Variants in CD109 observed in about 807,000 individuals in gnomAD.
CD109 encodes the protein CD109 molecule.
In CD109, 149 loss-of-function variants were observed where a neutral mutation model predicts 165.8. That is an observed-to-expected ratio of 0.90 (90% CI 0.79 to 1.03). The LOEUF is 1.03. Among genes scored for constraint, CD109 ranks in the 50% least tolerant of loss-of-function variants. The pLI, the probability that CD109 is intolerant of heterozygous loss-of-function variation, is 0.00. For missense variants in CD109, 1,712 were observed against 1,677.8 expected, an observed-to-expected ratio of 1.02 and a Z score of -0.36; for synonymous variants, 585 against 592.1, an observed-to-expected ratio of 0.99 and a Z score of 0.18.
rs1022109483 is a variant in CD109 at position 73,827,902 on chromosome 6, G to A, written c.*4269G>A. 1 of 154,586 alleles carries A rather than the reference G, an allele frequency of 6.5e-6. No individual in the cohort carries two copies. The highest frequency in any genetic ancestry group is 2.4e-5 in the African/African-American group (1 of 41,508). The allele number at this position is 154,586 out of a possible 1,614,324, so 9.6% of individuals were successfully genotyped here. A position where few individuals can be genotyped will look rare whatever the true frequency, so the allele number is the denominator to read the frequency against. Reference sequence around the variant, plus strand: ...CTATCTTATGTTGTCTTGAGGCCAAGATTTACCACGTTTGCCCAGTGTATT... The same window carrying A: ...CTATCTTATGTTGTCTTGAGGCCAAAATTTACCACGTTTGCCCAGTGTATT... On this transcript the variant is annotated 3_prime_UTR_variant, in exon 33 of 33. Transcript: ENST00000287097.
chr6:73,717,611 CTTTTTTTTTTTTTT>C (rs779915655), intron 2 of CD109, among the ~76,000 whole-genome samples: 1 of 74,810 alleles, frequency 1.3e-5, no homozygotes, highest in African/African-American at 5.2e-5. Context: ...TCTACTGATT[CTTTTTTTTTTTTTT>C]TTTTTTTTTT....
chr6:73,758,905 A>C lies in CD109; in HGVS notation c.674-39A>C, dbSNP rs748154629. The C allele has an allele frequency of 2.6e-6, 3 of 1,161,088 alleles. No homozygotes were observed. The South Asian group carries it at 3.8e-5, about 15-fold the overall frequency. The allele number at this position is 1,161,088 out of a possible 1,614,324, so 71.9% of individuals were successfully genotyped here. A position where few individuals can be genotyped will look rare whatever the true frequency, so the allele number is the denominator to read the frequency against. Reference sequence around the variant, plus strand: ...AGATTTACCCTTGCTTCTTCGTCTCAAAAAGAAAAAAAGATTTACCCTTGC... The same window carrying C: ...AGATTTACCCTTGCTTCTTCGTCTCCAAAAGAAAAAAAGATTTACCCTTGC... On this transcript the variant is annotated intron_variant, in intron 6 of 32. Coordinates refer to ENST00000287097, the MANE Select transcript of CD109 (RefSeq NM_133493.5).
chr6:73,727,614 G>A lies in CD109; in HGVS notation c.277-2730G>A, dbSNP rs114615603. ...ATATTTGCATTTATTTTAATTCTCTGACCCTTTAGGCTGCTTGTGGTTAAT... is the reference window on the plus strand; with the variant it reads ...ATATTTGCATTTATTTTAATTCTCTAACCCTTTAGGCTGCTTGTGGTTAAT... On this transcript the variant is annotated intron_variant, in intron 3 of 32. Transcript: ENST00000287097. Among the ~76,000 whole-genome samples, 426 of 152,256 alleles carry A rather than the reference G, an allele frequency of 2.8e-3. 3 individuals are homozygous for A. Among genetic ancestry groups the A allele is most frequent in the African/African-American group, 9.8e-3 (409 of 41,550 alleles).
In CD109 at chr6:73,794,947, T is replaced by A. The variant is rs1775104640; in HGVS notation, c.2878+2145T>A. On this transcript the variant is annotated intron_variant, in intron 23 of 32. Coordinates refer to ENST00000287097, the MANE Select transcript of CD109 (RefSeq NM_133493.5). ...TTGTCAAATTTTATTATAATTAAAT[T>A]TAAGTGGTACCAAGTGGTCTCTGTG... Among the ~76,000 whole-genome samples the A allele has an allele frequency of 2.0e-5, 3 of 151,610 alleles. No individual in the cohort carries two copies. The South Asian group carries it at 6.3e-4, about 32-fold the overall frequency.
Position 73,782,758 on chromosome 6 carries a change from A to G in CD109, c.2105+3A>G. Reference sequence around the variant, plus strand: ...ATTTGGCTAGACACCAACATGGGGTAAAAATTTATAAAGTTCTTTGCCCAT... The same window carrying G: ...ATTTGGCTAGACACCAACATGGGGTGAAAATTTATAAAGTTCTTTGCCCAT... On this transcript the variant is annotated splice_donor_region_variant and intron_variant, in intron 18 of 32. Transcript: ENST00000287097. The G allele has an allele frequency of 3.1e-6, 5 of 1,613,040 alleles. No individual in the cohort carries two copies. Among genetic ancestry groups the G allele is most frequent in the Non-Finnish European group, 4.2e-6 (5 of 1,179,502 alleles).
chr6:73,789,755 C>T (rs781353206), intron 22 of CD109, among the ~76,000 whole-genome samples: 11 of 142,530 alleles, frequency 7.7e-5, no homozygotes, highest in Admixed American at 4.4e-4. Flanking sequence ...CCACCGCGCC[C>T]GGCCTTTTTT....
chr6:73,714,368 T>C lies in CD109; in HGVS notation c.248-8883T>C, dbSNP rs558480830. ...GACGTGGGGTATGAAGGTCTGGCCC[T>C]TTCGCCCCAGTTCAGGACAACTCTC... On this transcript the variant is annotated intron_variant, in intron 2 of 32. Coordinates refer to ENST00000287097, the MANE Select transcript of CD109 (RefSeq NM_133493.5). Among the ~76,000 whole-genome samples the C allele has an allele frequency of 1.7e-3, 259 of 152,322 alleles. 1 individual carries two copies. The Middle Eastern group carries it at 0.034, about 20-fold the overall frequency.
chr6:73,782,671 A>T lies in CD109; in HGVS notation c.2021A>T (p.Asp674Val). Residue 674 changes from aspartate to valine, a missense_variant, in exon 18 of 33, where the codon GAT becomes GTT. Asp to Val is a radical substitution (Grantham distance 152). Coordinates refer to ENST00000287097, the MANE Select transcript of CD109 (RefSeq NM_133493.5). ...GAGGAAAATGAAGGACATATTGTAG[A>T]TATTCATGACTTTTCTTTGGGTAGC... Reference protein sequence around the residue: ...FMEENEGHIVDIHDFSLGSSP... With the variant: ...FMEENEGHIVVIHDFSLGSSP... 2 of 1,613,884 alleles carry T rather than the reference A, an allele frequency of 1.2e-6. No homozygotes were observed. The highest frequency in any genetic ancestry group is 3.3e-5 in the Admixed American group (2 of 60,012).
chr6:73,693,270 G>C (rs978415652), upstream of CD109, among the ~76,000 whole-genome samples: 3 of 152,144 alleles, frequency 2.0e-5, no homozygotes, highest in African/African-American at 7.2e-5. Context: ...GGAAGGGGAA[G>C]GGGAGCTAGT....
intron 4 of CD109, among the ~76,000 whole-genome samples, chr6:73,734,260 C>A (rs1045304609): frequency 6.6e-6 from 1 of 152,182 alleles, no homozygotes. Context: ...CCCCCAGGTA[C>A]AAAGCCATCA....
chr6:73,776,409 G>A (rs151191245), intron 15 of CD109, among the ~76,000 whole-genome samples: 1 of 148,760 alleles, frequency 6.7e-6, no homozygotes, highest in Admixed American at 6.8e-5. Flanking sequence ...TCGCCTCCAC[G>A]CCTGGCTAAT....
chr6:73,810,152 T>C lies in CD109; in HGVS notation c.3524T>C (p.Leu1175Ser). 1 of 1,601,750 alleles carries C rather than the reference T, an allele frequency of 6.2e-7. No homozygotes were observed. ...MRWLSRQRNS[L>S]GGFASTQDTT... Reference sequence around the variant, plus strand: ...TGGCTAAGCAGGCAAAGAAATAGCTTGGGTGGTTTTGCATCTACTCAGGTG... The same window carrying C: ...TGGCTAAGCAGGCAAAGAAATAGCTCGGGTGGTTTTGCATCTACTCAGGTG... Residue 1175 changes from leucine (L) to serine (S), a missense_variant, in exon 27 of 33, where the codon TTG becomes TCG. Transcript: ENST00000287097.
intron 5 of CD109, among the ~76,000 whole-genome samples, chr6:73,748,022 A>G (rs1269623935): frequency 2.6e-5 from 4 of 151,978 alleles, no homozygotes; most frequent in Non-Finnish European, 1.5e-5. Flanking sequence ...GGCGTGTGCC[A>G]CCATGCCCGG....
intron 2 of CD109, among the ~76,000 whole-genome samples, chr6:73,704,855 G>A (rs1056537395): frequency 3.3e-5 from 5 of 152,172 alleles, no homozygotes; most frequent in African/African-American, 4.8e-5. Flanking sequence ...GGCTAGAGGA[G>A]TTTTTATTTT....
At chr6:73,792,347 A>T (rs74638756) in intron 22 of CD109, among the ~76,000 whole-genome samples, 1,649 of 152,240 alleles carry the variant, frequency 0.011, 20 homozygotes, top group East Asian at 0.065. Context: ...AAAGATTTTT[A>T]AAAAAATTAT....
chr6:73,684,629 G>T, the CD109 span, among the ~76,000 whole-genome samples: 3 of 151,850 alleles, frequency 2.0e-5, no homozygotes, highest in African/African-American at 7.3e-5. Flanking sequence ...ATTTTTTCAT[G>T]TACCTGTTGG....
chr6:73,770,995 T>C (rs921912165), intron 14 of CD109, among the ~76,000 whole-genome samples: 3 of 152,142 alleles, frequency 2.0e-5, no homozygotes, highest in African/African-American at 7.2e-5. Flanking sequence ...GGTGGTTCTA[T>C]GAGTCCCCGA....
intron 20 of CD109, among the ~76,000 whole-genome samples, chr6:73,786,561 C>G (rs1774700449): frequency 6.6e-6 from 1 of 151,876 alleles, no homozygotes; most frequent in Non-Finnish European, 1.5e-5. Flanking sequence ...CTACCACTTA[C>G]CAGCAAATGA....
chr6:73,767,054 AT>A, intron 13 of CD109, 44 bp downstream of exon 13: 1 of 1,526,822 alleles, frequency 6.5e-7, no homozygotes, highest in Non-Finnish European at 9.0e-7. Flanking sequence ...TTATAGAATC[AT>A]CTTTTTATTC....
Sources: gnomAD v4.1 joint callset for allele counts (sites outside exome capture counted in the v4.1 genomes callset) on GRCh38, gnomAD v4.1.1 for gene constraint, MANE v1.5 for transcripts, NCBI Gene and HGNC (gene_info 2026-07-23, HGNC 2026-07-21) for gene names.